The following MPI variants were observed in gnomAD, a reference collection of about 807,000 sequenced individuals.
MPI encodes the protein mannose-6-phosphate isomerase.
In MPI, 33 loss-of-function variants were observed where a neutral mutation model predicts 40.1. The ratio of observed to expected loss-of-function variants is 0.82; its 90% confidence interval spans 0.62 to 1.10. The LOEUF (loss-of-function observed/expected upper bound fraction) is 1.10. Among genes scored for constraint, MPI ranks in the 50% least tolerant of loss-of-function variants. The pLI is 0.00. For synonymous variants in MPI, 187 were observed against 207.4 expected (o/e 0.90, Z 0.85); for missense variants, 514 against 524.1 (o/e 0.98, Z 0.19).
rs1246369723 is a variant in MPI, at chr15:74,901,289, C to T, written c.*3559C>T. The stretch of plus-strand genomic sequence containing the variant: ...CAACAAAACAAAGCAGAACGCTCAC[C>T]ATGGTTCTGAGTTAAGCCAAAAAAC... On this transcript the variant is annotated 3_prime_UTR_variant, in exon 8 of 8. Coordinates refer to ENST00000352410, the MANE Select transcript of MPI (RefSeq NM_002435.3). 6.6e-6 allele frequency: 1 copy of T among 152,376 alleles called. No individual in the cohort carries two copies. Among genetic ancestry groups the T allele is most frequent in the African/African-American group, 2.4e-5 (1 of 41,428 alleles). The allele number at this position is 152,376 out of a possible 1,614,324, so 9.4% of individuals were successfully genotyped here.
intron 2 of MPI, 144 bp downstream of exon 2, chr15:74,890,798 G>A: frequency 9.2e-7 from 1 of 1,083,506 alleles, no homozygotes; most frequent in Non-Finnish European, 1.4e-6. Context: ...GGACTAGATA[G>A]TGTTATCAAA....
rs1260900758 is a variant in MPI at position 74,892,673 on chromosome 15, A to C, written c.358A>C (p.Lys120Gln). 6.2e-7 allele frequency: 1 copy of C among 1,614,188 alleles called. No homozygotes were observed. The highest frequency in any genetic ancestry group is 8.5e-7 in the Non-Finnish European group (1 of 1,180,026). Residue 120 changes from lysine (K) to glutamine (Q), a missense_variant, in exon 4 of 8, where the codon AAG (lysine) becomes CAG (glutamine). Physicochemically the swap from Lys to Gln is moderately conservative, Grantham distance 53 (BLOSUM62 1). Coordinates refer to ENST00000352410, the MANE Select transcript of MPI (RefSeq NM_002435.3). ...GGCCACCCCACAGGAGCTGGCAGAGAAGCTGCACCTCCAGGCTCCGCAGCA... is the reference window on the plus strand; with the variant it reads ...GGCCACCCCACAGGAGCTGGCAGAGCAGCTGCACCTCCAGGCTCCGCAGCA... ...QAHPNKELAE[K>Q]LHLQAPQHYP...
chr15:74,891,500 C>A lies in MPI; in HGVS notation c.266C>A (p.Thr89Asn). The change falls in exon 3 of 8, where the codon ACC becomes AAC. Residue 89 changes from threonine (T) to asparagine (N), a missense_variant. Transcript: ENST00000352410. ...QDSLGSKVKD[T>N]FNGNLPFLFK... ...AGCTTGGGCTCAAAGGTCAAGGACA[C>A]CTTTAATGGCAACCTGCCCTTCCTC... 1.2e-6 allele frequency: 2 copies of A among 1,614,256 alleles called. No homozygotes were observed. The highest frequency in any genetic ancestry group is 3.3e-5 in the Admixed American group (2 of 60,026).
At chr15:74,891,697 TC>T in intron 3 of MPI, 118 bp downstream of exon 3, 1 of 1,137,574 alleles carries the variant, frequency 8.8e-7, no homozygotes, top group Non-Finnish European at 1.3e-6. Flanking sequence ...CAAGGCCAAA[TC>T]CAGGCTGACA....
At chr15:74,890,227 A>G in intron 1 of MPI, 138 bp downstream of exon 1, 1 of 1,267,324 alleles carries the variant, frequency 7.9e-7, no homozygotes, top group Non-Finnish European at 1.1e-6. Flanking sequence ...AGGTGTGGCC[A>G]CCTGCGATGG....
At position 74,901,345 on chromosome 15, in the gene MPI, A is replaced by G. The variant is rs993171592; in HGVS notation, c.*3615A>G. The stretch of plus-strand genomic sequence containing the variant: ...AAAACCTGTTGGAAAAATTCTAGAA[A>G]GAGGCTTGGTATAGAGTATAGCAAG... On this transcript the variant is annotated 3_prime_UTR_variant, in exon 8 of 8. Coordinates refer to ENST00000352410, the MANE Select transcript of MPI (RefSeq NM_002435.3). 3 of 152,146 alleles carry G rather than the reference A, an allele frequency of 2.0e-5. No homozygotes were observed. Among genetic ancestry groups the G allele is most frequent in the African/African-American group, 7.2e-5 (3 of 41,422 alleles). The allele number at this position is 152,146 out of a possible 1,614,324, so 9.4% of individuals were successfully genotyped here. A position where few individuals can be genotyped will look rare whatever the true frequency, so the allele number is the denominator to read the frequency against.
rs144118442 is a variant in MPI at position 74,893,331 on chromosome 15, T to C, written c.670+11T>C. ...GGATCTCCCAGCAAGGTGGACACAG[T>C]TATATTCCTGGTTGGGTGCAATGCT... On this transcript the variant is annotated intron_variant, in intron 5 of 7. Coordinates refer to ENST00000352410, the MANE Select transcript of MPI (RefSeq NM_002435.3). The C allele has an allele frequency of 6.6e-4, 1,066 of 1,614,018 alleles. No individual in the cohort carries two copies. Among genetic ancestry groups the C allele is most frequent in the Non-Finnish European group, 8.4e-4 (992 of 1,179,904 alleles).
In MPI at chr15:74,897,695, G is replaced by C; in HGVS notation, c.1237G>C (p.Asp413His). 3 of 1,614,142 alleles carry C rather than the reference G, an allele frequency of 1.9e-6. No homozygotes were observed. The highest frequency in any genetic ancestry group is 2.2e-5 in the East Asian group (1 of 44,880). The change falls in exon 8 of 8, where the codon GAC (aspartate) becomes CAC (histidine). Residue 413 changes from aspartate (D) to histidine (H), a missense_variant. Transcript: ENST00000352410. ...SVSLKLTEPKDLLIFRACCLL is the reference protein window; with the variant it reads ...SVSLKLTEPKHLLIFRACCLL ...CTCACTGAAGCTTACTGAGCCGAAG[G>C]ACCTGCTGATATTCCGTGCCTGCTG... is the stretch of plus-strand genomic sequence containing the variant.
Position 74,897,921 on chromosome 15 carries a change from G to T in MPI, c.*191G>T, listed in dbSNP as rs781062916. ...ACACCCAGGTGGAACCATCTTTGGGGAGGAGAGGCCCGTGTGAGGGGTCTG... is the reference window on the plus strand; with the variant it reads ...ACACCCAGGTGGAACCATCTTTGGGTAGGAGAGGCCCGTGTGAGGGGTCTG... On this transcript the variant is annotated 3_prime_UTR_variant, in exon 8 of 8. Coordinates refer to ENST00000352410, the MANE Select transcript of MPI (RefSeq NM_002435.3). 193 of 670,338 alleles carry T rather than the reference G, an allele frequency of 2.9e-4. No homozygotes were observed. The highest frequency in any genetic ancestry group is 4.5e-4 in the Non-Finnish European group (167 of 368,754). The allele number at this position is 670,338 out of a possible 1,614,324, so 41.5% of individuals were successfully genotyped here. A position where few individuals can be genotyped will look rare whatever the true frequency, so the allele number is the denominator to read the frequency against.
rs896601030 is a variant in MPI at position 74,900,509 on chromosome 15, C to A, written c.*2779C>A. 3 of 152,324 alleles carry A rather than the reference C, an allele frequency of 2.0e-5. No homozygotes were observed. The highest frequency in any genetic ancestry group is 7.2e-5 in the African/African-American group (3 of 41,460). The allele number at this position is 152,324 out of a possible 1,614,324, so 9.4% of individuals were successfully genotyped here. A position where few individuals can be genotyped will look rare whatever the true frequency, so the allele number is the denominator to read the frequency against. On this transcript the variant is annotated 3_prime_UTR_variant, in exon 8 of 8. Transcript: ENST00000352410. Reference sequence around the variant, plus strand: ...GTCTATACTTACCTTCCACAGCCACCTCCCAGCACACACTGGGTCCCTCTA... The same window carrying A: ...GTCTATACTTACCTTCCACAGCCACATCCCAGCACACACTGGGTCCCTCTA...
At chr15:74,896,110 A>C in intron 5 of MPI, 42 bp from the exon 6 acceptor site, 1 of 1,611,144 alleles carries the variant, frequency 6.2e-7, no homozygotes, top group Admixed American at 1.7e-5. Flanking sequence ...AACAGCACTG[A>C]GTATCCCCCT....
chr15:74,890,490 G>A lies in MPI; in HGVS notation c.17-37G>A, dbSNP rs75555960. 1,549 of 1,613,644 alleles carry A rather than the reference G, an allele frequency of 9.6e-4. 29 individuals are homozygous for A. The East Asian group carries it at 0.031, about 32-fold the overall frequency. On this transcript the variant is annotated intron_variant, in intron 1 of 7. Coordinates refer to ENST00000352410, the MANE Select transcript of MPI (RefSeq NM_002435.3). ...CCCGGGACACTAGGGTGGGGCCTGA[G>A]GAGTGGAGTGGCAGCTGACCCTGTC...
At position 74,897,030 on chromosome 15, in the gene MPI, G is replaced by A. The variant is rs1017060960; in HGVS notation, c.864G>A (p.Ala288=). 6.2e-6 allele frequency: 10 copies of A among 1,614,144 alleles called. No homozygotes were observed. Among genetic ancestry groups the A allele is most frequent in the Non-Finnish European group, 8.5e-6 (10 of 1,180,024 alleles). The stretch of plus-strand genomic sequence containing the variant: ...CTCCAGACTGCGTGGAGTGCATGGC[G>A]TGTTCAGACAACACAGTTCGTGCTG... The part of the protein sequence containing the change: ...YLKGDCVECM[A]CSDNTVRAGL... Residue 288 remains alanine, a synonymous_variant, in exon 7 of 8, where the codon GCG becomes GCA. Transcript: ENST00000352410.
chr15:74,894,091 T>TTTTCTGAGCCAGG (rs1567267202), intron 5 of MPI, among the ~76,000 whole-genome samples: 2 of 56,800 alleles, frequency 3.5e-5, no homozygotes, highest in Non-Finnish European at 3.5e-5. Context: ...TGTGTGTGTG[T>TTTTCTGAGCCAGG]GTGTGTGTGT....
In MPI at chr15:74,901,981, G is replaced by C. The variant is rs2064978256; in HGVS notation, c.*4251G>C. On this transcript the variant is annotated 3_prime_UTR_variant, in exon 8 of 8. Coordinates refer to ENST00000352410, the MANE Select transcript of MPI (RefSeq NM_002435.3). ...GGTTGGACCAGTTGGGGATGCCCCA[G>C]GTCCAGGGATTCTGGAAGCCAGGAT... 1 of 397,172 alleles carries C rather than the reference G, an allele frequency of 2.5e-6. No homozygotes were observed. The highest frequency in any genetic ancestry group is 1.4e-4 in the South Asian group (1 of 7,136). 24.6% of individuals were successfully genotyped at this position (397,172 alleles called of 1,614,324 possible).
rs1167720956 is a variant in MPI, at chr15:74,897,568, C to T, written c.1110C>T (p.Leu370=). The part of the protein sequence containing the change: ...KVLALDSASI[L]LMVQGTVIAS... ...TGGCACTGGACTCTGCCAGCATCCT[C>T]CTGATGGTACAGGGGACAGTAATAG... Residue 370 remains leucine (L), a synonymous_variant, in exon 8 of 8, where the codon CTC becomes CTT. Transcript: ENST00000352410. 6.2e-7 allele frequency: 1 copy of T among 1,614,170 alleles called. No homozygotes were observed. Among genetic ancestry groups the T allele is most frequent in the Non-Finnish European group, 8.5e-7 (1 of 1,180,020 alleles).
At chr15:74,895,807 C>T (rs1353392759) in intron 5 of MPI, 8 of 336,896 alleles carry the variant, frequency 2.4e-5, no homozygotes, top group African/African-American at 1.7e-4. Context: ...TCCATCAGTA[C>T]ACAGGACAGC....
At chr15:74,890,899 C>T in intron 2 of MPI, 3 of 655,350 alleles carry the variant, frequency 4.6e-6, no homozygotes, top group Middle Eastern at 4.9e-4. Context: ...TAATTCAGCC[C>T]TCTTTGACAA....
chr15:74,892,633 T>G, intron 3 of MPI, 28 bp from the exon 4 acceptor site: 1 of 1,613,530 alleles, frequency 6.2e-7, no homozygotes, highest in Non-Finnish European at 8.5e-7. Context: ...ACCCTCACCA[T>G]CCTCCTCTTC....
Sources: gnomAD v4.1 joint callset for allele counts (sites outside exome capture counted in the v4.1 genomes callset) on GRCh38, gnomAD v4.1.1 for gene constraint, MANE v1.5 for transcripts, NCBI Gene and HGNC (gene_info 2026-07-23, HGNC 2026-07-21) for gene names.